The following KLRG1 variants were observed in gnomAD, a reference collection of about 807,000 sequenced individuals.
KLRG1 encodes killer cell lectin like receptor G1.
In KLRG1, 16 loss-of-function variants were observed where a neutral mutation model predicts 21.8. The ratio of observed to expected loss-of-function variants is 0.73; its 90% CI spans 0.50 to 1.11. The LOEUF (loss-of-function observed/expected upper bound fraction) is 1.11. KLRG1 is among the 50% of genes most tolerant of loss of function. The pLI, the probability that KLRG1 is intolerant of heterozygous loss-of-function variation, is 0.00. For synonymous variants in KLRG1, 69 were observed against 75.9 expected, an observed-to-expected ratio of 0.91 and a Z score of 0.47; for missense variants, 173 against 218.3, an observed-to-expected ratio of 0.79 and a Z score of 1.31.
At chr12:8,963,644 G>A (rs907390518) in intron 1 of KLRG1, among the ~76,000 whole-genome samples, 1 of 152,136 alleles carries the variant, frequency 6.6e-6, no homozygotes, top group African/African-American at 2.4e-5. Context: ...GGTAGAATTC[G>A]GCTGTGAATC....
chr12:9,185,480 T>A, the KLRG1 span, among the ~76,000 whole-genome samples: 1 of 152,180 alleles, frequency 6.6e-6, no homozygotes, highest in Admixed American at 6.5e-5. Flanking sequence ...TTGAAAGAGA[T>A]GAGCATAATG....
chr12:9,133,048 G>A, the KLRG1 span, among the ~76,000 whole-genome samples: 1 of 152,080 alleles, frequency 6.6e-6, no homozygotes, highest in Non-Finnish European at 1.5e-5. Flanking sequence ...TTATGAAAAA[G>A]GTGTGGGTTT....
the KLRG1 span, chr12:9,169,053 A>G: frequency 4.5e-5 from 46 of 1,023,496 alleles, 1 homozygote; most frequent in South Asian, 6.4e-4. Context: ...AGACTTCTCT[A>G]TGTAATTCCA....
the KLRG1 span, chr12:9,127,899 G>C: frequency 2.4e-5 from 8 of 329,056 alleles, no homozygotes; most frequent in African/African-American, 1.8e-4. Context: ...CAAGACCATT[G>C]AAGACCTGCG....
intron 3 of KLRG1, among the ~76,000 whole-genome samples, chr12:8,996,935 A>G (rs1947150005): frequency 6.6e-6 from 1 of 152,206 alleles, no homozygotes; most frequent in East Asian, 1.9e-4. Context: ...TCATAGCACA[A>G]GACACTGCCA....
the KLRG1 span, among the ~76,000 whole-genome samples, chr12:9,161,532 T>C: frequency 2.0e-5 from 3 of 152,200 alleles, no homozygotes; most frequent in African/African-American, 7.2e-5. Context: ...CTGTGCTCAG[T>C]AGCTTTCTAA....
At chr12:9,193,607 G>A in the KLRG1 span, among the ~76,000 whole-genome samples, 2 of 152,040 alleles carry the variant, frequency 1.3e-5, no homozygotes, top group South Asian at 2.1e-4. Flanking sequence ...GTTATTTATT[G>A]ACACTGAAAT....
chr12:9,177,008 T>C, the KLRG1 span, among the ~76,000 whole-genome samples: 1 of 152,192 alleles, frequency 6.6e-6, no homozygotes, highest in East Asian at 1.9e-4. Context: ...ATATTTTACA[T>C]GTGAGAGCTC....
At chr12:9,152,918 C>A in the KLRG1 span, 1 of 1,614,142 alleles carries the variant, frequency 6.2e-7, no homozygotes, top group Non-Finnish European at 8.5e-7. Flanking sequence ...GGGGAGTCCT[C>A]TTTCTCTGGA....
At chr12:9,042,552 A>G in the KLRG1 span, among the ~76,000 whole-genome samples, 1 of 152,210 alleles carries the variant, frequency 6.6e-6, no homozygotes, top group Non-Finnish European at 1.5e-5. Flanking sequence ...GGCTTCTTAG[A>G]AACTTAAGAG....
At chr12:9,197,150 T>C in the KLRG1 span, 5 of 1,479,752 alleles carry the variant, frequency 3.4e-6, no homozygotes, top group Non-Finnish European at 3.8e-6. Flanking sequence ...AAATCAGGAA[T>C]TGAGAATGGC....
chr12:9,194,441 T>C, the KLRG1 span, among the ~76,000 whole-genome samples: 1 of 151,430 alleles, frequency 6.6e-6, no homozygotes, highest in Non-Finnish European at 1.5e-5. Flanking sequence ...AACTTTGTAG[T>C]ATTTCCAGTA....
the KLRG1 span, chr12:9,204,012 A>G: frequency 6.9e-7 from 1 of 1,448,998 alleles, no homozygotes; most frequent in Non-Finnish European, 9.5e-7. Context: ...TTTCATCCAT[A>G]AATGTGTTTT....
chr12:9,081,978 G>C, the KLRG1 span, among the ~76,000 whole-genome samples: 1 of 152,300 alleles, frequency 6.6e-6, no homozygotes, highest in Non-Finnish European at 1.5e-5. Context: ...ATGTTGGGAA[G>C]TTCAACCTAG....
At chr12:9,068,914 A>C in the KLRG1 span, 7 of 1,138,094 alleles carry the variant, frequency 6.2e-6, no homozygotes, top group Non-Finnish European at 8.7e-6. Flanking sequence ...TTAAGTATTC[A>C]CCTGTTTTTT....
chr12:8,982,970 C>T (rs1415827619), intron 1 of KLRG1, among the ~76,000 whole-genome samples: 1 of 152,092 alleles, frequency 6.6e-6, no homozygotes, highest in Non-Finnish European at 1.5e-5. Context: ...CTTTTTGGTT[C>T]TTGCTTTTTC....
At chr12:9,148,914 C>A in the KLRG1 span, 11 of 1,444,932 alleles carry the variant, frequency 7.6e-6, no homozygotes, top group South Asian at 1.3e-4. Context: ...TAACTCCATT[C>A]CTTCTAAGTA....
the KLRG1 span, among the ~76,000 whole-genome samples, chr12:9,076,571 C>G: frequency 6.6e-6 from 1 of 152,136 alleles, no homozygotes; most frequent in East Asian, 1.9e-4. Flanking sequence ...GGCCTCTTGT[C>G]TTCTGATTTC....
the KLRG1 span, among the ~76,000 whole-genome samples, chr12:9,086,900 C>T: frequency 6.6e-6 from 1 of 152,060 alleles, no homozygotes; most frequent in Admixed American, 6.6e-5. Context: ...AAAGACTTCA[C>T]CAAAGGGCTG....
Sources: gnomAD v4.1 joint callset for allele counts (sites outside exome capture counted in the v4.1 genomes callset) on GRCh38, gnomAD v4.1.1 for gene constraint, MANE v1.5 for transcripts, NCBI Gene and HGNC (gene_info 2026-07-23, HGNC 2026-07-21) for gene names.